Variants in ITGA5 observed in about 807,000 individuals in gnomAD.
ITGA5 encodes the protein integrin subunit alpha 5, also known as integrin alpha-5.
In ITGA5, 55 loss-of-function variants were observed where a neutral mutation model predicts 146.3. That is an observed-to-expected ratio of 0.38 (90% CI 0.30 to 0.47). ITGA5 has a LOEUF of 0.47. ITGA5 is among the 20% of genes least tolerant of loss of function. The pLI is 0.99. For synonymous variants in ITGA5, 500 were observed against 531.8 expected, an observed-to-expected ratio of 0.94 and a Z score of 0.82; for missense variants, 1,131 against 1,329.0, an observed-to-expected ratio of 0.85 and a Z score of 2.32.
Position 54,409,621 on chromosome 12 carries a change from T to A in ITGA5, c.350-24A>T, listed in dbSNP as rs1401373282. On this transcript the variant is annotated intron_variant, in intron 2 of 29. Transcript: ENST00000293379. This position sits in a 1 kb window ranked among gnomAD's most constrained non-coding sequence, Gnocchi z 4.7. ...GCCTTGTGGAAGTGAGAAGGGGGAG[T>A]CTTACTGAGCCATGGACATTTGAGC... The A allele has an allele frequency of 6.5e-7, 1 of 1,528,736 alleles. No homozygotes were observed. The highest frequency in any genetic ancestry group is 9.0e-7 in the Non-Finnish European group (1 of 1,109,692). The allele number at this position is 1,528,736 out of a possible 1,614,324, so 94.7% of individuals were successfully genotyped here. A position where few individuals can be genotyped will look rare whatever the true frequency, so the allele number is the denominator to read the frequency against.
chr12:54,406,032 G>A (rs1432255954), intron 9 of ITGA5, 106 bp from the exon 10 acceptor site: 4 of 950,010 alleles, frequency 4.2e-6, no homozygotes, highest in African/African-American at 1.6e-5. Context: ...CCTTAGAGAC[G>A]CAGACCACTG....
At position 54,412,015 on chromosome 12, in the gene ITGA5, G is replaced by A. The variant is rs1592292511; in HGVS notation, c.219-51C>T. On this transcript the variant is annotated intron_variant, in intron 1 of 29. Transcript: ENST00000293379. ...TGAGGATGGCTCCTAGCTTTTCATT[G>A]GTGTCTGGAGGCAGGAAGGACCCAG... is the stretch of plus-strand genomic sequence containing the variant. The A allele has an allele frequency of 4.1e-6, 6 of 1,471,338 alleles. No homozygotes were observed. The South Asian group carries it at 6.9e-5, about 17-fold the overall frequency. 91.1% of individuals were successfully genotyped at this position (1,471,338 alleles called of 1,614,324 possible).
In ITGA5 at chr12:54,409,542, C is replaced by T; in HGVS notation, c.405G>A (p.Glu135=). Residue 135 remains glutamate, a synonymous_variant, in exon 3 of 30, where the codon GAG becomes GAA. Coordinates refer to ENST00000293379, the MANE Select transcript of ITGA5 (RefSeq NM_002205.5). The surrounding 1 kb of genome is among the most constrained non-coding windows in gnomAD (Gnocchi z 4.7). ...LSSSEGEEPV[E]YKSLQWFGAT... is the part of the protein sequence containing the mutation. ...CCCCGAACCACTGCAAGGACTTGTA[C>T]TCCACAGGCTCCTCTCCCTCTGAGC... 6.2e-7 allele frequency: 1 copy of T among 1,614,018 alleles called. No individual in the cohort carries two copies. The highest frequency in any genetic ancestry group is 8.5e-7 in the Non-Finnish European group (1 of 1,179,998).
At position 54,404,134 on chromosome 12, in the gene ITGA5, C is replaced by G; in HGVS notation, c.1565+11G>C. The G allele has an allele frequency of 6.3e-7, 1 of 1,574,942 alleles. No homozygotes were observed. Among genetic ancestry groups the G allele is most frequent in the Non-Finnish European group, 8.6e-7 (1 of 1,159,512 alleles). Reference sequence around the variant, plus strand: ...GCTCAGGTCTCTGCAATTTCCTGGGCACCAGCTCACCAGGCCACAGGGTTC... The same window carrying G: ...GCTCAGGTCTCTGCAATTTCCTGGGGACCAGCTCACCAGGCCACAGGGTTC... On this transcript the variant is annotated intron_variant, in intron 15 of 29. Transcript: ENST00000293379.
rs911768656 is a variant in ITGA5, at chr12:54,416,761, G to A, written c.218+2220C>T. ...CTCTCCCTAGGTACTAGGGTACCAC[G>A]CAAAAAACTAGTAAGTAGTGGGGAC... On this transcript the variant is annotated intron_variant, in intron 1 of 29. Transcript: ENST00000293379. The surrounding 1 kb of genome is among the most constrained non-coding windows in gnomAD (Gnocchi z 4.1). Among the ~76,000 whole-genome samples, 1 of 152,202 alleles carries A rather than the reference G, an allele frequency of 6.6e-6. No individual in the cohort carries two copies. The highest frequency in any genetic ancestry group is 1.5e-5 in the Non-Finnish European group (1 of 68,044).
In ITGA5 at chr12:54,401,863, C is replaced by T. The variant is rs373820796; in HGVS notation, c.2227-8G>A. On this transcript the variant is annotated splice_polypyrimidine_tract_variant and splice_region_variant and intron_variant, in intron 21 of 29. Coordinates refer to ENST00000293379, the MANE Select transcript of ITGA5 (RefSeq NM_002205.5). This position sits in a 1 kb window ranked among gnomAD's most constrained non-coding sequence, Gnocchi z 5.0. ...CCGAAGGCCACCCCACAGCTGGGGACAGAAAAAGAGGAAAAGAGGGCAGTT... is the reference window on the plus strand; with the variant it reads ...CCGAAGGCCACCCCACAGCTGGGGATAGAAAAAGAGGAAAAGAGGGCAGTT... The T allele has an allele frequency of 2.5e-6, 4 of 1,613,816 alleles. No individual in the cohort carries two copies. The African/African-American group carries it at 5.3e-5, about 22-fold the overall frequency.
At position 54,409,435 on chromosome 12, in the gene ITGA5, C is replaced by A; in HGVS notation, c.462+50G>T. The A allele has an allele frequency of 6.2e-7, 1 of 1,610,678 alleles. No homozygotes were observed. On this transcript the variant is annotated intron_variant, in intron 3 of 29. Transcript: ENST00000293379. The surrounding 1 kb of genome is among the most constrained non-coding windows in gnomAD (Gnocchi z 4.7). Reference sequence around the variant, plus strand: ...TCCCTCCAGGCCCGGCCTTACCCAACCACTGCCCATCCCCTGGCCACCACA... The same window carrying A: ...TCCCTCCAGGCCCGGCCTTACCCAAACACTGCCCATCCCCTGGCCACCACA...
At chr12:54,412,236 G>C (rs1592292690) in intron 1 of ITGA5, 1 of 310,368 alleles carries the variant, frequency 3.2e-6, no homozygotes, top group African/African-American at 2.2e-5. Flanking sequence ...AAGAGAGGAG[G>C]AACCACAGTC....
chr12:54,403,777 A>G lies in ITGA5; in HGVS notation c.1624T>C (p.Phe542Leu). ...SGKHVADSIG[F>L]TVELQLDWQK... The stretch of plus-strand genomic sequence containing the variant: ...CAGTCCAGCTGAAGTTCCACTGTGA[A>G]ACCTGAAGCCAGGGACATATAAAGG... Residue 542 changes from phenylalanine to leucine, a missense_variant and splice_region_variant, in exon 17 of 30, where the codon TTC (phenylalanine) becomes CTC (leucine). Phe to Leu is a conservative substitution (Grantham distance 22). This residue lies in a region of ITGA5 where 889 missense variants were observed against 1,021.5 expected (regional missense o/e 0.87). Coordinates refer to ENST00000293379, the MANE Select transcript of ITGA5 (RefSeq NM_002205.5). This position sits in a 1 kb window ranked among gnomAD's most constrained non-coding sequence, Gnocchi z 4.9. 6.2e-7 allele frequency: 1 copy of G among 1,613,976 alleles called. No individual in the cohort carries two copies. The highest frequency in any genetic ancestry group is 8.5e-7 in the Non-Finnish European group (1 of 1,179,880).
At chr12:54,404,973 T>C in intron 12 of ITGA5, 79 bp from the exon 13 acceptor site, 1 of 1,294,580 alleles carries the variant, frequency 7.7e-7, no homozygotes, top group Non-Finnish European at 1.0e-6. Flanking sequence ...CCCCAGGACC[T>C]AGGATCCTAT....
chr12:54,412,474 A>G (rs192250876), intron 1 of ITGA5: 1 of 152,904 alleles, frequency 6.5e-6, no homozygotes, highest in East Asian at 1.9e-4. Flanking sequence ...GTAGGAGGAA[A>G]ATGTGAGTCT....
At chr12:54,418,942 T>TC (rs1435146565) in intron 1 of ITGA5, 39 bp downstream of exon 1, 2 of 1,581,358 alleles carry the variant, frequency 1.3e-6, no homozygotes, top group Non-Finnish European at 1.7e-6. Flanking sequence ...TCCAGGCGGC[T>TC]CCCCCACCCC....
chr12:54,418,920 G>GCGCC, intron 1 of ITGA5, 61 bp downstream of exon 1: 1 of 1,451,588 alleles, frequency 6.9e-7, no homozygotes. Context: ...GACCCCAGCC[G>GCGCC]CGCCCCCAGT....
At chr12:54,412,925 C>G (rs185996150) in intron 1 of ITGA5, among the ~76,000 whole-genome samples, 175 of 152,324 alleles carry the variant, frequency 1.1e-3, no homozygotes, top group African/African-American at 4.0e-3. Context: ...TGGACCAGTG[C>G]TCCTGCCAGC....
rs750936899 is a variant in ITGA5, at chr12:54,409,376, C to A, written c.463-24G>T. 4 of 1,609,520 alleles carry A rather than the reference C, an allele frequency of 2.5e-6. No homozygotes were observed. The African/African-American group carries it at 4.0e-5, about 16-fold the overall frequency. On this transcript the variant is annotated intron_variant, in intron 3 of 29. Transcript: ENST00000293379. This position sits in a 1 kb window ranked among gnomAD's most constrained non-coding sequence, Gnocchi z 4.7. ...GCCTGGGAGGGCCCAGGAGGAGGGG[C>A]CTTCAGATTCAGTCCAATAAGGCCC...
chr12:54,404,294 C>T, intron 14 of ITGA5, 48 bp from the exon 15 acceptor site: 2 of 1,584,246 alleles, frequency 1.3e-6, no homozygotes, highest in Non-Finnish European at 1.7e-6. Flanking sequence ...TCCTCTGTAA[C>T]CTGGACACAG....
intron 27 of ITGA5, 55 bp from the exon 28 acceptor site, chr12:54,398,753 A>G: frequency 8.5e-7 from 1 of 1,170,764 alleles, no homozygotes; most frequent in Non-Finnish European, 1.2e-6. Flanking sequence ...CAGAGGACAT[A>G]GGGTTCCCCA....
At chr12:54,405,514 T>C (rs900789912) in intron 11 of ITGA5, 140 bp from the exon 12 acceptor site, 1 of 1,016,434 alleles carries the variant, frequency 9.8e-7, no homozygotes, top group Non-Finnish European at 1.5e-6. Context: ...CTCAGCTCTT[T>C]CCTTGTCCCT....
intron 2 of ITGA5, among the ~76,000 whole-genome samples, 162 bp downstream of exon 2, chr12:54,411,672 C>A (rs1401757874): frequency 1.3e-5 from 2 of 152,162 alleles, no homozygotes; most frequent in East Asian, 3.8e-4. Context: ...GAGTGAGTGC[C>A]ATGGGGATCC....
Sources: allele counts gnomAD v4.1 joint callset (sites outside exome capture counted in the v4.1 genomes callset), GRCh38; gene constraint gnomAD v4.1.1; regional missense constraint gnomAD v4.1.1; non-coding constraint Gnocchi (gnomAD v3.1); transcripts MANE v1.5; gene names NCBI Gene and HGNC (gene_info 2026-07-23, HGNC 2026-07-21).